Variants in PRUNE2 observed in about 807,000 individuals in gnomAD.
PRUNE2 encodes the protein prune homolog 2 with BCH domain, also known as protein prune homolog 2.
PRUNE2 carries 164 observed loss-of-function variants against 252.0 expected under a neutral mutation model. That is an observed-to-expected ratio of 0.65 (90% CI 0.57 to 0.74). PRUNE2 has a LOEUF of 0.74. PRUNE2 is among the 30% of genes least tolerant of loss of function. The probability of loss-of-function intolerance (pLI) is 0.00; values close to 1 mark genes in which losing one functional copy is unlikely to be tolerated. For missense variants in PRUNE2, 3,495 were observed against 3,711.0 expected (o/e 0.94, Z 1.51); for synonymous variants, 1,292 against 1,350.2 (o/e 0.96, Z 0.94).
chr9:76,693,355 T>G lies in PRUNE2; in HGVS notation c.8276+9982A>C, dbSNP rs541451827. Among the ~76,000 whole-genome samples the G allele has an allele frequency of 5.9e-5, 9 of 151,562 alleles. No individual in the cohort carries two copies. The South Asian group carries it at 1.9e-3, about 32-fold the overall frequency. On this transcript the variant is annotated intron_variant, in intron 9 of 18. Transcript: ENST00000376718. ...TGGGCAATTTTAGGTAATCTCCAAT[T>G]GACCTAACTCTAATGGAATGGGAAA...
intron 6 of PRUNE2, among the ~76,000 whole-genome samples, 195 bp from the exon 7 acceptor site, chr9:76,713,916 C>T (rs2135084064): frequency 6.6e-6 from 1 of 152,178 alleles, no homozygotes; most frequent in Non-Finnish European, 1.5e-5. Flanking sequence ...TGTTTGTTTT[C>T]CCAAACCATG....
At chr9:76,751,747 T>C (rs372671811) in intron 6 of PRUNE2, among the ~76,000 whole-genome samples, 1 of 152,222 alleles carries the variant, frequency 6.6e-6, no homozygotes, top group African/African-American at 2.4e-5. Flanking sequence ...AATAACTAAA[T>C]AGATTTGGTT....
In PRUNE2 at chr9:76,625,046, C is replaced by T. The variant is rs533280092; in HGVS notation, c.9150-556G>A. 6 of 1,303,436 alleles carry T rather than the reference C, an allele frequency of 4.6e-6. No individual in the cohort carries two copies. In the African/African-American group the frequency reaches 9.1e-5, roughly 20 times the overall value. The allele number at this position is 1,303,436 out of a possible 1,614,324, so 80.7% of individuals were successfully genotyped here. A position where few individuals can be genotyped will look rare whatever the true frequency, so the allele number is the denominator to read the frequency against. ...ACCTCACACTTCTCTTATAAGATCT[C>T]TCTTCATCGTACCTTACAAGATAAA... On this transcript the variant is annotated intron_variant, in intron 16 of 18. Transcript: ENST00000376718.
intron 4 of PRUNE2, among the ~76,000 whole-genome samples, chr9:76,839,086 A>G (rs2059237031): frequency 6.6e-6 from 1 of 152,206 alleles, no homozygotes; most frequent in Non-Finnish European, 1.5e-5. Context: ...TTAAACTAGA[A>G]GGAACAACGT....
intron 6 of PRUNE2, among the ~76,000 whole-genome samples, chr9:76,799,785 T>A (rs932775963): frequency 1.3e-5 from 2 of 152,252 alleles, no homozygotes; most frequent in African/African-American, 4.8e-5. Context: ...TGTATTGCAG[T>A]TAATACTGAC....
chr9:76,754,341 G>A (rs373646945), intron 6 of PRUNE2, among the ~76,000 whole-genome samples: 4 of 152,076 alleles, frequency 2.6e-5, no homozygotes, highest in South Asian at 2.1e-4. Flanking sequence ...TGATTTTGCC[G>A]TCTGACACAT....
chr9:76,710,063 G>C lies in PRUNE2; in HGVS notation c.2211C>G (p.Ser737Arg), dbSNP rs1193903204. The change falls in exon 8 of 19, where the codon AGC becomes AGG. Residue 737 changes from serine to arginine, a missense_variant. By Grantham distance (110) the Ser-to-Arg change is moderately radical (BLOSUM62 -1). Transcript: ENST00000376718. The stretch of plus-strand genomic sequence containing the variant: ...CCATGGGCAGGTTCTGGAACGGCAA[G>C]CTTTCCTCATTTTTGTCTTGAATAT... ...SNDIQDKNEE[S>R]LPFQNLPMEK... 2.5e-6 allele frequency: 4 copies of C among 1,613,894 alleles called. No homozygotes were observed. The highest frequency in any genetic ancestry group is 3.4e-6 in the Non-Finnish European group (4 of 1,179,856).
chr9:76,708,729 G>C lies in PRUNE2; in HGVS notation c.3545C>G (p.Ala1182Gly), dbSNP rs1300306793. The C allele has an allele frequency of 1.9e-6, 3 of 1,613,814 alleles. No individual in the cohort carries two copies. Among genetic ancestry groups the C allele is most frequent in the Non-Finnish European group, 2.5e-6 (3 of 1,179,892 alleles). Residue 1182 changes from alanine (A) to glycine (G), a missense_variant, in exon 8 of 19, where the codon GCA becomes GGA. Physicochemically the swap from Ala to Gly is moderately conservative, Grantham distance 60. Coordinates refer to ENST00000376718, the MANE Select transcript of PRUNE2 (RefSeq NM_015225.3). Reference sequence around the variant, plus strand: ...AGGGAGCTCCCAATCTACCTGATTTGCTTCCTGATACTCCAAGCCCCAGGG... The same window carrying C: ...AGGGAGCTCCCAATCTACCTGATTTCCTTCCTGATACTCCAAGCCCCAGGG... ...LEPWGLEYQE[A>G]NQVDWELPAS... is the part of the protein sequence containing the mutation.
At chr9:76,860,824 A>G (rs1422836279) in intron 1 of PRUNE2, among the ~76,000 whole-genome samples, 1 of 152,166 alleles carries the variant, frequency 6.6e-6, no homozygotes. Flanking sequence ...GGTGTCTCCA[A>G]AGAAAACCAG....
intron 1 of PRUNE2, among the ~76,000 whole-genome samples, chr9:76,883,824 A>G (rs2061933003): frequency 6.6e-6 from 1 of 152,180 alleles, no homozygotes; most frequent in Admixed American, 6.5e-5. Context: ...TCTCATCAAG[A>G]GAAGTCTCTT....
chr9:76,654,492 G>A (rs1848521039), intron 10 of PRUNE2, among the ~76,000 whole-genome samples: 1 of 152,200 alleles, frequency 6.6e-6, no homozygotes, highest in Non-Finnish European at 1.5e-5. Context: ...AGAATTCTTT[G>A]TGATGATGAA....
intron 6 of PRUNE2, among the ~76,000 whole-genome samples, chr9:76,821,449 T>C (rs957778140): frequency 2.0e-5 from 3 of 152,084 alleles, no homozygotes; most frequent in African/African-American, 7.2e-5. Context: ...ACAGAGAAAA[T>C]TAAACTCTGA....
chr9:76,706,326 A>G lies in PRUNE2; in HGVS notation c.5948T>C (p.Val1983Ala). The G allele has an allele frequency of 1.9e-6, 3 of 1,613,916 alleles. No homozygotes were observed. Among genetic ancestry groups the G allele is most frequent in the Non-Finnish European group, 2.5e-6 (3 of 1,179,806 alleles). The part of the protein sequence containing the change: ...AFTHAEENSC[V>A]TSNVSTNEGQ... ...TTCATTAGTTGAAACATTAGATGTA[A>G]CACAACTATTTTCCTCTGCGTGAGT... is the stretch of plus-strand genomic sequence containing the variant. The change falls in exon 8 of 19, where the codon GTT becomes GCT. Residue 1983 changes from valine (V) to alanine (A), a missense_variant. Transcript: ENST00000376718.
At position 76,652,540 on chromosome 9, in the gene PRUNE2, T is replaced by G. The variant is rs1236356067; in HGVS notation, c.8500A>C (p.Asn2834His). ...TCGGGGGTATCAAGTTCATCCACAT[T>G]GATGTCAATTTCATCTGGACTGTCC... is the stretch of plus-strand genomic sequence containing the variant. ...NLDSPDEIDI[N>H]VDELDTPDEA... Residue 2834 changes from asparagine to histidine, a missense_variant, in exon 11 of 19, where the codon AAT becomes CAT. By Grantham distance (68) the Asn-to-His change is moderately conservative. Coordinates refer to ENST00000376718, the MANE Select transcript of PRUNE2 (RefSeq NM_015225.3). 1.2e-6 allele frequency: 2 copies of G among 1,613,450 alleles called. No individual in the cohort carries two copies. Among genetic ancestry groups the G allele is most frequent in the Non-Finnish European group, 1.7e-6 (2 of 1,179,498 alleles).
intron 6 of PRUNE2, among the ~76,000 whole-genome samples, chr9:76,721,088 C>T (rs1429731962): frequency 5.3e-5 from 8 of 152,090 alleles, no homozygotes; most frequent in African/African-American, 1.9e-4. Context: ...GGCAACAGAG[C>T]GAGACTCCGT....
chr9:76,765,848 C>T (rs1260736970), intron 6 of PRUNE2, among the ~76,000 whole-genome samples: 3 of 152,118 alleles, frequency 2.0e-5, no homozygotes, highest in African/African-American at 7.2e-5. Flanking sequence ...CCTCTAAGAT[C>T]CAGCTTTAAA....
intron 4 of PRUNE2, among the ~76,000 whole-genome samples, chr9:76,827,065 T>C (rs1314067773): frequency 1.3e-5 from 2 of 152,216 alleles, no homozygotes; most frequent in African/African-American, 4.8e-5. Context: ...TTAAATGATT[T>C]CAAAAAGGAA....
intron 1 of PRUNE2, among the ~76,000 whole-genome samples, chr9:76,884,274 C>A (rs536702515): frequency 1.3e-5 from 2 of 152,120 alleles, no homozygotes; most frequent in Non-Finnish European, 2.9e-5. Context: ...ACAACATAAT[C>A]GGGTGGGGGC....
At chr9:76,666,947 G>T (rs928706759) in intron 9 of PRUNE2, among the ~76,000 whole-genome samples, 7 of 152,114 alleles carry the variant, frequency 4.6e-5, no homozygotes, top group African/African-American at 1.7e-4. Context: ...TTGGGAGGCT[G>T]AGAAAGGAGA....
Sources: allele counts gnomAD v4.1 joint callset (sites outside exome capture counted in the v4.1 genomes callset), GRCh38; gene constraint gnomAD v4.1.1; transcripts MANE v1.5; gene names NCBI Gene and HGNC (gene_info 2026-07-23, HGNC 2026-07-21).